NSUN2: variants seen among roughly 807,000 people sequenced by gnomAD.
NSUN2 encodes the protein NOP2/Sun RNA methyltransferase 2.
In NSUN2, 63 loss-of-function variants were observed where a neutral mutation model predicts 92.7. The observed-to-expected ratio is 0.68, with a 90% confidence interval of 0.56 to 0.84. NSUN2 has a LOEUF of 0.84. Among genes scored for constraint, NSUN2 ranks in the 40% least tolerant of loss-of-function variants. The pLI is 0.00. For missense variants in NSUN2, 989 were observed against 964.9 expected (o/e 1.02, Z -0.33); for synonymous variants, 356 against 348.3 (o/e 1.02, Z -0.25).
chr5:6,612,109 G>T (rs545082077), intron 9 of NSUN2, among the ~76,000 whole-genome samples: 1 of 152,120 alleles, frequency 6.6e-6, no homozygotes, highest in Non-Finnish European at 1.5e-5. Context: ...TCACTGAACC[G>T]TACACTTAAA....
intron 4 of NSUN2, among the ~76,000 whole-genome samples, 175 bp downstream of exon 4, chr5:6,625,389 G>A (rs1394938831): frequency 2.0e-5 from 3 of 152,118 alleles, no homozygotes; most frequent in Non-Finnish European, 4.4e-5. Context: ...AACCAAACAA[G>A]GCAACGGATA....
At position 6,621,747 on chromosome 5, in the gene NSUN2, C is replaced by CAA. The variant is rs36037471; in HGVS notation, c.622+267_622+268dup. 0.084 allele frequency: 20,688 copies of CAA among 245,310 alleles called. 522 individuals are homozygous for CAA. The highest frequency in any genetic ancestry group is 0.12 in the African/African-American group (4,763 of 38,912). The allele number at this position is 245,310 out of a possible 1,614,324, so 15.2% of individuals were successfully genotyped here. ...TGGGCAACAGAGTGAGACTCCATCTCAAAAAAAAAAAAAAGAAATGCCATT... is the reference window on the plus strand; with the variant it reads ...TGGGCAACAGAGTGAGACTCCATCTCAAAAAAAAAAAAAAAAGAAATGCCATT... On this transcript the variant is annotated intron_variant, in intron 6 of 18. Transcript: ENST00000264670.
rs750468785 is a variant in NSUN2, at chr5:6,606,934, G to A, written c.1509-22C>T. 4 of 1,385,530 alleles carry A rather than the reference G, an allele frequency of 2.9e-6. No individual in the cohort carries two copies. In the African/African-American group the frequency reaches 4.3e-5, roughly 15 times the overall value. The allele number at this position is 1,385,530 out of a possible 1,614,324, so 85.8% of individuals were successfully genotyped here. A position where few individuals can be genotyped will look rare whatever the true frequency, so the allele number is the denominator to read the frequency against. On this transcript the variant is annotated intron_variant, in intron 13 of 18. Coordinates refer to ENST00000264670, the MANE Select transcript of NSUN2 (RefSeq NM_017755.6). ...AGGACTAAAAAGGGAATCAGGATGA[G>A]ACAAATCAATCTGTAATGTGTGGTA... is the stretch of plus-strand genomic sequence containing the variant.
chr5:6,612,868 G>A (rs1355123428), intron 9 of NSUN2, among the ~76,000 whole-genome samples: 1 of 152,234 alleles, frequency 6.6e-6, no homozygotes, highest in East Asian at 1.9e-4. Context: ...AGCTGCCAAT[G>A]CTACCCCATG....
intron 11 of NSUN2, 22 bp downstream of exon 11, chr5:6,610,933 C>A (rs747047801): frequency 6.2e-7 from 1 of 1,613,494 alleles, no homozygotes; most frequent in African/African-American, 1.3e-5. Flanking sequence ...CCTCCCCACA[C>A]CTGGAGGCCC....
intron 3 of NSUN2, among the ~76,000 whole-genome samples, chr5:6,626,915 G>A (rs1737678322): frequency 6.6e-6 from 1 of 152,166 alleles, no homozygotes; most frequent in African/African-American, 2.4e-5. Flanking sequence ...TGGAATGTCT[G>A]GAAAACACAA....
intron 17 of NSUN2, chr5:6,603,809 C>G (rs1040124982): frequency 8.6e-6 from 2 of 231,952 alleles, no homozygotes; most frequent in South Asian, 1.9e-4. Context: ...CAGGGCTGCT[C>G]ACAGGCTGAC....
chr5:6,617,659 T>C (rs1269360043), intron 8 of NSUN2, among the ~76,000 whole-genome samples: 2 of 152,224 alleles, frequency 1.3e-5, no homozygotes, highest in African/African-American at 4.8e-5. Flanking sequence ...TAGTAATGCA[T>C]ACATCAAGAG....
chr5:6,629,886 T>A (rs1737805068), intron 3 of NSUN2, among the ~76,000 whole-genome samples: 1 of 152,190 alleles, frequency 6.6e-6, no homozygotes, highest in Non-Finnish European at 1.5e-5. Context: ...TGCAGAGAGA[T>A]CTTCCGCCAT....
chr5:6,607,475 T>C (rs996957813), intron 12 of NSUN2, 91 bp from the exon 13 acceptor site: 3 of 1,118,202 alleles, frequency 2.7e-6, no homozygotes, highest in East Asian at 2.4e-5. Context: ...ACAAAATCCA[T>C]CAGTTATATT....
In NSUN2 at chr5:6,607,404, C is replaced by T; in HGVS notation, c.1324-20G>A. ...CTGAAGCTGTCATAAAGAACAATTT[C>T]ATTGACACACAAAGAGGAGCATTCT... On this transcript the variant is annotated intron_variant, in intron 12 of 18. Transcript: ENST00000264670. The T allele has an allele frequency of 6.3e-7, 1 of 1,593,566 alleles. No homozygotes were observed. Among genetic ancestry groups the T allele is most frequent in the South Asian group, 1.1e-5 (1 of 88,290 alleles).
intron 14 of NSUN2, among the ~76,000 whole-genome samples, chr5:6,605,844 G>A (rs1736746595): frequency 7.2e-6 from 1 of 139,578 alleles, no homozygotes; most frequent in South Asian, 2.4e-4. Context: ...ATAGGTGCAC[G>A]CCACCACACC....
chr5:6,605,855 T>G (rs1736747187), intron 14 of NSUN2, among the ~76,000 whole-genome samples: 1 of 97,616 alleles, frequency 1.0e-5, no homozygotes, highest in African/African-American at 2.9e-5. Context: ...CCACCACACC[T>G]AATTTTTTTT....
intron 17 of NSUN2, chr5:6,603,875 C>T (rs533114105): frequency 3.2e-5 from 12 of 377,924 alleles, no homozygotes; most frequent in East Asian, 1.2e-4. Context: ...CAGCCCTGCA[C>T]GCCACACAGA....
intron 9 of NSUN2, among the ~76,000 whole-genome samples, chr5:6,612,793 G>C (rs16877670): frequency 0.043 from 6,542 of 152,274 alleles, 283 homozygotes; most frequent in African/African-American, 0.11. Context: ...ACACTGTCCA[G>C]GGGCTTCACA....
intron 17 of NSUN2, 149 bp downstream of exon 17, chr5:6,603,989 G>T: frequency 1.4e-6 from 1 of 702,554 alleles, no homozygotes; most frequent in Non-Finnish European, 2.4e-6. Context: ...TGTCAATCAG[G>T]GATCTACAGA....
intron 16 of NSUN2, 133 bp from the exon 17 acceptor site, chr5:6,604,409 G>A: frequency 1.1e-6 from 1 of 941,920 alleles, no homozygotes; most frequent in Non-Finnish European, 1.6e-6. Flanking sequence ...CCTTGGACAG[G>A]TGTGGAACCC....
In NSUN2 at chr5:6,600,126, T is replaced by C. The variant is rs1736489058; in HGVS notation, c.2104A>G (p.Met702Val). 4 of 1,614,192 alleles carry C rather than the reference T, an allele frequency of 2.5e-6. No homozygotes were observed. The highest frequency in any genetic ancestry group is 3.4e-6 in the Non-Finnish European group (4 of 1,180,028). The stretch of plus-strand genomic sequence containing the variant: ...TTTTCTCCCAATACCTCCAGCCCCA[T>C]CATCCTGAGATAATGAAGCCGTTCA... The part of the protein sequence containing the change: ...KNERLHYLRM[M>V]GLEVLGEKKK... The change falls in exon 19 of 19, where the codon ATG (methionine) becomes GTG (valine). Residue 702 changes from methionine to valine, a missense_variant. By Grantham distance (21) the Met-to-Val change is conservative (BLOSUM62 1). Coordinates refer to ENST00000264670, the MANE Select transcript of NSUN2 (RefSeq NM_017755.6).
At chr5:6,607,520 A>T (rs1736826390) in intron 12 of NSUN2, 136 bp from the exon 13 acceptor site, 1 of 746,596 alleles carries the variant, frequency 1.3e-6, no homozygotes, top group Non-Finnish European at 2.1e-6. Context: ...AAGACAACAG[A>T]ATTTTTTTAA....
Sources: gnomAD v4.1 joint callset for allele counts (sites outside exome capture counted in the v4.1 genomes callset) on GRCh38, gnomAD v4.1.1 for gene constraint, MANE v1.5 for transcripts, NCBI Gene and HGNC (gene_info 2026-07-23, HGNC 2026-07-21) for gene names.